GABRG3: variants seen among roughly 807,000 people sequenced by gnomAD.
GABRG3 encodes the protein gamma-aminobutyric acid receptor subunit gamma-3.
In GABRG3, 25 loss-of-function variants were observed where a neutral mutation model predicts 48.8. The ratio of observed to expected loss-of-function variants is 0.51; its 90% CI spans 0.37 to 0.72. The LOEUF is 0.72. Among genes scored for constraint, GABRG3 ranks in the 30% least tolerant of loss-of-function variants. The probability of loss-of-function intolerance (pLI) is 0.00; values close to 1 mark genes in which losing one functional copy is unlikely to be tolerated. For missense variants in GABRG3, 394 were observed against 577.9 expected (o/e 0.68, Z 3.26); for synonymous variants, 227 against 217.6 (o/e 1.04, Z -0.38).
At chr15:27,448,028 T>C (rs1291919666) in intron 5 of GABRG3, among the ~76,000 whole-genome samples, 1 of 152,134 alleles carries the variant, frequency 6.6e-6, no homozygotes. Context: ...TAAATATTTA[T>C]AAAAACAAAG....
At position 27,187,948 on chromosome 15, in the gene GABRG3, A is replaced by G. The variant is rs12913336; in HGVS notation, c.271-138861A>G. 3.5e-5 allele frequency among the ~76,000 whole-genome samples: 5 copies of G among 141,684 alleles called. No homozygotes were observed. The East Asian group carries it at 1.0e-3, about 30-fold the overall frequency. 93.0% of individuals were successfully genotyped at this position (141,684 alleles called of 152,430 possible). On this transcript the variant is annotated intron_variant, in intron 3 of 9. Coordinates refer to ENST00000615808, the MANE Select transcript of GABRG3 (RefSeq NM_033223.5). ...TGTGTCCATGTGTTCTCATTGTTCA[A>G]TTCCCACCTATGAGCGAGAATATGC... is the stretch of plus-strand genomic sequence containing the variant.
intron 3 of GABRG3, among the ~76,000 whole-genome samples, chr15:27,274,086 G>C (rs1458290641): frequency 6.6e-6 from 1 of 152,128 alleles, no homozygotes. Flanking sequence ...ACAACATGGC[G>C]GTCATGATGC....
At chr15:27,082,147 C>T (rs1897002371) in intron 3 of GABRG3, among the ~76,000 whole-genome samples, 1 of 152,088 alleles carries the variant, frequency 6.6e-6, no homozygotes, top group Non-Finnish European at 1.5e-5. Flanking sequence ...TGGCCCTGAC[C>T]CTGTGGCTGT....
intron 5 of GABRG3, among the ~76,000 whole-genome samples, chr15:27,397,801 AATTTT>A (rs1242012800): frequency 7.2e-6 from 1 of 138,420 alleles, no homozygotes; most frequent in East Asian, 2.4e-4. Context: ...TTCTCTGAAA[AATTTT>A]TTTTTTTTTT....
At chr15:27,351,202 T>G (rs1894567157) in intron 5 of GABRG3, among the ~76,000 whole-genome samples, 1 of 150,464 alleles carries the variant, frequency 6.6e-6, no homozygotes, top group Admixed American at 6.6e-5. Context: ...TATGTTTGTG[T>G]GTATGGTGTT....
At chr15:27,379,310 T>G (rs984791109) in intron 5 of GABRG3, among the ~76,000 whole-genome samples, 2 of 152,242 alleles carry the variant, frequency 1.3e-5, no homozygotes, top group African/African-American at 4.8e-5. Flanking sequence ...ACTATACCAC[T>G]TCACAGGTAG....
intron 5 of GABRG3, among the ~76,000 whole-genome samples, chr15:27,463,133 A>G (rs1241675807): frequency 1.3e-5 from 2 of 152,224 alleles, no homozygotes; most frequent in Non-Finnish European, 2.9e-5. Context: ...CAAAATTAAT[A>G]CATAAGGTTT....
At chr15:27,038,535 C>T (rs978021894) in intron 3 of GABRG3, among the ~76,000 whole-genome samples, 17 of 152,328 alleles carry the variant, frequency 1.1e-4, no homozygotes, top group African/African-American at 2.6e-4. Context: ...CCTGGCACCA[C>T]GCTCTTCTCC....
At chr15:27,209,233 C>G (rs1244467168) in intron 3 of GABRG3, among the ~76,000 whole-genome samples, 1 of 152,194 alleles carries the variant, frequency 6.6e-6, no homozygotes, top group Non-Finnish European at 1.5e-5. Flanking sequence ...GGAGTTCAGG[C>G]CAGCCAGGCC....
At chr15:27,256,528 CA>C (rs1890627873) in intron 3 of GABRG3, among the ~76,000 whole-genome samples, 1 of 151,558 alleles carries the variant, frequency 6.6e-6, no homozygotes, top group African/African-American at 2.4e-5. Context: ...GGGCTGGGAT[CA>C]AGATATGACC....
rs547110184 is a variant in GABRG3, at chr15:27,086,327, C to T, written c.270+59506C>T. On this transcript the variant is annotated intron_variant, in intron 3 of 9. Transcript: ENST00000615808. ...GGACAGAGCAGGTCAGAGTTCTGCG[C>T]ATTTACAAAGGCAGCATGGGTTGTG... 1.0e-4 allele frequency among the ~76,000 whole-genome samples: 15 copies of T among 148,458 alleles called. No homozygotes were observed. The East Asian group carries it at 2.7e-3, about 27-fold the overall frequency.
At chr15:27,311,367 A>G (rs1245441816) in intron 3 of GABRG3, among the ~76,000 whole-genome samples, 1 of 152,140 alleles carries the variant, frequency 6.6e-6, no homozygotes, top group East Asian at 1.9e-4. Context: ...GGGGAGGGAA[A>G]AAGATGGACT....
At chr15:27,401,117 G>A (rs1411682579) in intron 5 of GABRG3, among the ~76,000 whole-genome samples, 1 of 152,094 alleles carries the variant, frequency 6.6e-6, no homozygotes, top group South Asian at 2.1e-4. Context: ...TTCTCACATC[G>A]TATTACAATG....
At position 27,254,965 on chromosome 15, in the gene GABRG3, C is replaced by T. The variant is rs576760716; in HGVS notation, c.271-71844C>T. Among the ~76,000 whole-genome samples, 9 of 152,240 alleles carry T rather than the reference C, an allele frequency of 5.9e-5. 1 individual carries two copies. The highest frequency in any genetic ancestry group is 2.2e-4 in the African/African-American group (9 of 41,544). On this transcript the variant is annotated intron_variant, in intron 3 of 9. Transcript: ENST00000615808. ...GAGACAGAATTGGGAGGTGCAACCA[C>T]AGCCGGCCCTGATACCCCCTGCACC...
chr15:27,306,498 CAT>C lies in GABRG3; in HGVS notation c.271-20308_271-20307del, dbSNP rs1284715446. ...TATATAAACATATATATAATATAAA[CAT>C]ATGTCTATATATAAACATATATAAT... On this transcript the variant is annotated intron_variant, in intron 3 of 9. Coordinates refer to ENST00000615808, the MANE Select transcript of GABRG3 (RefSeq NM_033223.5). Among the ~76,000 whole-genome samples the C allele has an allele frequency of 3.2e-3, 434 of 136,740 alleles. 13 individuals carry two copies. Among genetic ancestry groups the C allele is most frequent in the African/African-American group, 3.5e-3 (131 of 36,976 alleles). 89.7% of individuals were successfully genotyped at this position (136,740 alleles called of 152,430 possible). A position where few individuals can be genotyped will look rare whatever the true frequency, so the allele number is the denominator to read the frequency against.
chr15:27,349,386 A>AG (rs1218727518), intron 5 of GABRG3, among the ~76,000 whole-genome samples: 1 of 152,176 alleles, frequency 6.6e-6, no homozygotes, highest in East Asian at 1.9e-4. Flanking sequence ...CCAGAGAACA[A>AG]GGGGAAGTGA....
intron 3 of GABRG3, among the ~76,000 whole-genome samples, chr15:27,094,146 G>A (rs1373582793): frequency 6.6e-6 from 1 of 152,128 alleles, no homozygotes; most frequent in African/African-American, 2.4e-5. Flanking sequence ...CTGCTTCCAC[G>A]AGTCCTGTCC....
At chr15:27,502,325 T>C (rs1271209696) in intron 6 of GABRG3, among the ~76,000 whole-genome samples, 1 of 152,224 alleles carries the variant, frequency 6.6e-6, no homozygotes, top group African/African-American at 2.4e-5. Flanking sequence ...TATTGAAATT[T>C]AGTTGTAAGA....
At chr15:27,328,384 G>T (rs903751693) in intron 4 of GABRG3, among the ~76,000 whole-genome samples, 13 of 152,190 alleles carry the variant, frequency 8.5e-5, no homozygotes, top group Non-Finnish European at 1.5e-5. Context: ...GTGAAAGAGG[G>T]GCAGTTGTCC....
Sources: allele counts gnomAD v4.1 joint callset (sites outside exome capture counted in the v4.1 genomes callset), GRCh38; gene constraint gnomAD v4.1.1; transcripts MANE v1.5; gene names NCBI Gene and HGNC (gene_info 2026-07-23, HGNC 2026-07-21).